The following CCDC148 variants were observed in gnomAD, a reference collection of about 807,000 sequenced individuals.
The protein encoded by CCDC148 is coiled-coil domain containing 148, also known as coiled-coil domain-containing protein 148.
A neutral mutation model predicts 85.7 loss-of-function variants in CCDC148; 89 were observed. The ratio of observed to expected loss-of-function variants is 1.04; its 90% CI spans 0.87 to 1.24. The LOEUF is 1.24. Ranked by LOEUF, CCDC148 falls within the 50% of genes most tolerant of loss-of-function variation. The probability of loss-of-function intolerance (pLI) is 0.00; values close to 1 mark genes in which losing one functional copy is unlikely to be tolerated. For synonymous variants in CCDC148, 230 were observed against 213.9 expected (o/e 1.08, Z -0.66); for missense variants, 692 against 671.7 (o/e 1.03, Z -0.33).
intron 11 of CCDC148, among the ~76,000 whole-genome samples, chr2:158,215,293 T>C (rs1296981033): frequency 3.9e-5 from 6 of 152,262 alleles, no homozygotes; most frequent in African/African-American, 1.2e-4. Context: ...AGAAGAAATA[T>C]GAATAATATA....
At chr2:158,180,865 TC>T (rs1684865464) in intron 11 of CCDC148, among the ~76,000 whole-genome samples, 1 of 152,034 alleles carries the variant, frequency 6.6e-6, no homozygotes, top group Non-Finnish European at 1.5e-5. Flanking sequence ...AATCCTAACC[TC>T]CTTTGATGGC....
rs536131392 is a variant in CCDC148 at position 158,456,680 on chromosome 2, C to G, written c.-241G>C. 4.4e-5 allele frequency: 25 copies of G among 573,276 alleles called. No individual in the cohort carries two copies. The highest frequency in any genetic ancestry group is 2.2e-4 in the African/African-American group (12 of 53,364). 35.5% of individuals were successfully genotyped at this position (573,276 alleles called of 1,614,324 possible). On this transcript the variant is annotated 5_prime_UTR_variant, in exon 1 of 14. Transcript: ENST00000283233. ...CCTCTCCGCCACCCCCTCCCGCGCC[C>G]GAGACCTGAGACACCTTCTCTCTCA...
At chr2:158,189,959 A>G (rs549550768) in intron 11 of CCDC148, among the ~76,000 whole-genome samples, 1 of 152,054 alleles carries the variant, frequency 6.6e-6, no homozygotes, top group Non-Finnish European at 1.5e-5. Flanking sequence ...AAAGCATTCT[A>G]TTGAATATCC....
At chr2:158,441,113 T>C (rs998607493) in intron 1 of CCDC148, among the ~76,000 whole-genome samples, 3 of 152,062 alleles carry the variant, frequency 2.0e-5, no homozygotes, top group Non-Finnish European at 4.4e-5. Context: ...TTACCCCCTA[T>C]ATAGGCTATA....
At chr2:158,232,701 C>G (rs1687911527) in intron 10 of CCDC148, among the ~76,000 whole-genome samples, 1 of 152,140 alleles carries the variant, frequency 6.6e-6, no homozygotes, top group Non-Finnish European at 1.5e-5. Flanking sequence ...TAACACTTAA[C>G]CAGACTCATA....
intron 9 of CCDC148, among the ~76,000 whole-genome samples, chr2:158,283,875 C>A (rs1224885462): frequency 4.0e-5 from 6 of 150,292 alleles, no homozygotes; most frequent in South Asian, 2.1e-4. Context: ...TGGAACCAAC[C>A]AAAATGTCCA....
chr2:158,395,969 C>T lies in CCDC148; in HGVS notation c.26-37399G>A, dbSNP rs1264406165. 2.0e-5 allele frequency among the ~76,000 whole-genome samples: 3 copies of T among 152,100 alleles called. No homozygotes were observed. In the East Asian group the frequency reaches 5.8e-4, roughly 29 times the overall value. On this transcript the variant is annotated intron_variant, in intron 1 of 13. Coordinates refer to ENST00000283233, the MANE Select transcript of CCDC148 (RefSeq NM_138803.4). ...TACAACATTTAATAAACTGGGATTT[C>T]CCCAGAGTCTTCCGTAAAGCAATTG...
intron 7 of CCDC148, among the ~76,000 whole-genome samples, chr2:158,334,168 G>A (rs1025728846): frequency 2.3e-4 from 35 of 152,240 alleles, no homozygotes; most frequent in African/African-American, 7.9e-4. Flanking sequence ...TCTCAGAGTT[G>A]TCTACACTGA....
intron 9 of CCDC148, among the ~76,000 whole-genome samples, chr2:158,261,657 T>C (rs1271888948): frequency 6.6e-6 from 1 of 151,262 alleles, no homozygotes. Context: ...TATAAGGAAC[T>C]TAAATTTACA....
At chr2:158,441,454 C>T (rs190575013) in intron 1 of CCDC148, among the ~76,000 whole-genome samples, 1 of 152,164 alleles carries the variant, frequency 6.6e-6, no homozygotes, top group East Asian at 1.9e-4. Context: ...TAAAAGTTTA[C>T]AAAATAAGTA....
At chr2:158,204,666 A>G (rs963483454) in intron 11 of CCDC148, among the ~76,000 whole-genome samples, 19 of 152,098 alleles carry the variant, frequency 1.2e-4, no homozygotes, top group African/African-American at 4.3e-4. Flanking sequence ...CCAAGCTCAA[A>G]CTCCAGAAAT....
intron 12 of CCDC148, among the ~76,000 whole-genome samples, chr2:158,177,854 T>C (rs1250609892): frequency 1.3e-5 from 2 of 152,124 alleles, no homozygotes; most frequent in Non-Finnish European, 2.9e-5. Flanking sequence ...CTGTGTGACT[T>C]TGAAGAAAGC....
At chr2:158,389,485 G>A (rs78070481) in intron 1 of CCDC148, among the ~76,000 whole-genome samples, 8,775 of 152,238 alleles carry the variant, frequency 0.058, 482 homozygotes, top group African/African-American at 0.15. Context: ...TCAATTCTCA[G>A]TTCACATTCT....
intron 2 of CCDC148, among the ~76,000 whole-genome samples, chr2:158,357,929 A>C (rs1459067573): frequency 6.6e-6 from 1 of 152,200 alleles, no homozygotes; most frequent in African/African-American, 2.4e-5. Context: ...GTGTGTGAGT[A>C]ATCCTAAACT....
chr2:158,324,127 A>G (rs1463275365), intron 7 of CCDC148, among the ~76,000 whole-genome samples: 1 of 151,862 alleles, frequency 6.6e-6, no homozygotes, highest in Non-Finnish European at 1.5e-5. Flanking sequence ...CATGTTGGCC[A>G]GGCTGGTCTT....
rs1559040732 is a variant in CCDC148, at chr2:158,281,297, T to TC, written c.1110+28135_1110+28136insG. Among the ~76,000 whole-genome samples the TC allele has an allele frequency of 4.0e-5, 6 of 151,774 alleles. No individual in the cohort carries two copies. The East Asian group carries it at 1.2e-3, about 30-fold the overall frequency. On this transcript the variant is annotated intron_variant, in intron 9 of 13. Transcript: ENST00000283233. The stretch of plus-strand genomic sequence containing the variant: ...AAAATCAGAGCAGAACTGAAGGAAA[T>TC]AGAGACACAAAAAACCCTTCAAAAA...
At chr2:158,382,922 C>CA (rs930004900) in intron 1 of CCDC148, among the ~76,000 whole-genome samples, 51 of 147,902 alleles carry the variant, frequency 3.4e-4, no homozygotes, top group East Asian at 1.6e-3. Flanking sequence ...CTCCGTCTCA[C>CA]AAAAAAAAAC....
Position 158,225,500 on chromosome 2 carries a change from A to G in CCDC148, c.1252-4787T>C, listed in dbSNP as rs1223303036. Among the ~76,000 whole-genome samples the G allele has an allele frequency of 3.3e-5, 5 of 152,320 alleles. No homozygotes were observed. In the East Asian group the frequency reaches 9.7e-4, roughly 29 times the overall value. Reference sequence around the variant, plus strand: ...TCTCCACCCCAAATCAACAGAATATACATTCTTCTCAGCACCACACCACAC... The same window carrying G: ...TCTCCACCCCAAATCAACAGAATATGCATTCTTCTCAGCACCACACCACAC... On this transcript the variant is annotated intron_variant, in intron 10 of 13. Transcript: ENST00000283233.
intron 1 of CCDC148, among the ~76,000 whole-genome samples, chr2:158,445,383 T>A (rs1318939754): frequency 6.6e-6 from 1 of 152,216 alleles, no homozygotes; most frequent in Non-Finnish European, 1.5e-5. Flanking sequence ...GCTACTCCTC[T>A]CAATACCACT....
Sources: gnomAD v4.1 joint callset for allele counts (sites outside exome capture counted in the v4.1 genomes callset) on GRCh38, gnomAD v4.1.1 for gene constraint, MANE v1.5 for transcripts, NCBI Gene and HGNC (gene_info 2026-07-23, HGNC 2026-07-21) for gene names.